Variants in PXDNL observed in about 807,000 individuals in gnomAD.
PXDNL encodes probable oxidoreductase PXDNL.
PXDNL carries 145 observed loss-of-function variants against 150.8 expected under a neutral mutation model. The observed-to-expected ratio is 0.96, with a 90% confidence interval of 0.84 to 1.10. The LOEUF (loss-of-function observed/expected upper bound fraction) is 1.10, where lower values mean the gene tolerates loss of function less well. Among genes scored for constraint, PXDNL ranks in the 50% least tolerant of loss-of-function variants. PXDNL has a pLI of 0.00. For synonymous variants in PXDNL, 757 were observed against 725.7 expected (o/e 1.04, Z -0.69); for missense variants, 2,087 against 1,873.9 (o/e 1.11, Z -2.10).
chr8:51,496,520 T>A (rs1554546663), intron 5 of PXDNL, among the ~76,000 whole-genome samples: 1 of 152,160 alleles, frequency 6.6e-6, no homozygotes, highest in Non-Finnish European at 1.5e-5. Context: ...TGATTGTATA[T>A]TTAGAAAACC....
chr8:51,532,556 AGTTTGTTT>A (rs112982321), intron 4 of PXDNL, among the ~76,000 whole-genome samples: 2,082 of 152,192 alleles, frequency 0.014, 29 homozygotes, highest in African/African-American at 0.029. Flanking sequence ...AGCATCTCTG[AGTTTGTTT>A]GTTTGTTTGT....
intron 9 of PXDNL, among the ~76,000 whole-genome samples, chr8:51,455,757 A>T (rs901870854): frequency 6.6e-6 from 1 of 152,082 alleles, no homozygotes; most frequent in Non-Finnish European, 1.5e-5. Flanking sequence ...TTTCAATCAG[A>T]AATTACTTGG....
At chr8:51,384,974 A>G (rs1807655840) in intron 17 of PXDNL, among the ~76,000 whole-genome samples, 1 of 152,184 alleles carries the variant, frequency 6.6e-6, no homozygotes, top group Non-Finnish European at 1.5e-5. Context: ...CAAAGAAGGC[A>G]GAGACATCAA....
intron 2 of PXDNL, among the ~76,000 whole-genome samples, chr8:51,646,177 C>T (rs1263582004): frequency 1.3e-5 from 2 of 152,134 alleles, no homozygotes; most frequent in Admixed American, 6.5e-5. Context: ...TGCCCTGATC[C>T]AGTGACACTG....
intron 3 of PXDNL, among the ~76,000 whole-genome samples, chr8:51,559,330 A>AC (rs59230172): frequency 0.011 from 1,099 of 97,390 alleles, 20 homozygotes; most frequent in East Asian, 0.046. Flanking sequence ...TTTCTTCCAA[A>AC]CCCCCCCCCC....
intron 10 of PXDNL, 78 bp from the exon 11 acceptor site, chr8:51,449,196 T>C: frequency 1.4e-6 from 1 of 739,542 alleles, no homozygotes; most frequent in Non-Finnish European, 2.3e-6. Context: ...AGAAAATGTC[T>C]TCAAATATGT....
intron 17 of PXDNL, among the ~76,000 whole-genome samples, chr8:51,397,019 T>C (rs895828431): frequency 6.6e-6 from 1 of 152,248 alleles, no homozygotes; most frequent in African/African-American, 2.4e-5. Context: ...AACTGTGGTC[T>C]TCACACGTCT....
At chr8:51,587,270 T>C (rs1468614017) in intron 3 of PXDNL, among the ~76,000 whole-genome samples, 1 of 152,180 alleles carries the variant, frequency 6.6e-6, no homozygotes, top group Non-Finnish European at 1.5e-5. Context: ...AAAGTTTAAG[T>C]GTCTGCTAAA....
intron 1 of PXDNL, chr8:51,722,297 G>C (rs533564966): frequency 6.6e-6 from 1 of 152,380 alleles, no homozygotes; most frequent in African/African-American, 2.4e-5. Flanking sequence ...CCCTATGGGA[G>C]GGGGAGCACA....
intron 1 of PXDNL, among the ~76,000 whole-genome samples, chr8:51,697,161 G>A (rs187114306): frequency 8.6e-4 from 130 of 152,030 alleles, no homozygotes; most frequent in Non-Finnish European, 1.4e-3. Context: ...AAACTTAGCC[G>A]AGCGTGGTGG....
intron 12 of PXDNL, among the ~76,000 whole-genome samples, chr8:51,436,756 G>C (rs1298676715): frequency 6.6e-6 from 1 of 152,144 alleles, no homozygotes; most frequent in Non-Finnish European, 1.5e-5. Context: ...CATGAAGTCT[G>C]AAAGGGCACA....
rs1466075702 is a variant in PXDNL, at chr8:51,765,649, TATTA to T, written c.164+43528_164+43531del. 7.9e-5 allele frequency among the ~76,000 whole-genome samples: 12 copies of T among 152,288 alleles called. No individual in the cohort carries two copies. The South Asian group carries it at 2.1e-3, about 26-fold the overall frequency. On this transcript the variant is annotated intron_variant, in intron 1 of 22. Coordinates refer to ENST00000356297, the MANE Select transcript of PXDNL (RefSeq NM_144651.5). ...CATTTGTATTACTAATTAACACAAC[TATTA>T]ATAAGGTGGAATTATATTAATTTGT...
chr8:51,331,082 G>A (rs1805670035), intron 21 of PXDNL, among the ~76,000 whole-genome samples: 1 of 152,142 alleles, frequency 6.6e-6, no homozygotes, highest in Non-Finnish European at 1.5e-5. Flanking sequence ...ATCCCGAGAG[G>A]ATCCACAGAC....
chr8:51,674,857 CA>C (rs1815576425), intron 1 of PXDNL, among the ~76,000 whole-genome samples: 2 of 152,210 alleles, frequency 1.3e-5, no homozygotes, highest in Admixed American at 1.3e-4. Context: ...GTTTCAGGTC[CA>C]GATTTGTCTC....
intron 21 of PXDNL, among the ~76,000 whole-genome samples, chr8:51,329,629 T>C (rs1455420286): frequency 6.6e-6 from 1 of 152,134 alleles, no homozygotes; most frequent in Admixed American, 6.5e-5. Context: ...TTCATGACCC[T>C]AGTAGAAAAA....
At chr8:51,367,479 C>T (rs1036065715) in intron 19 of PXDNL, among the ~76,000 whole-genome samples, 4 of 152,080 alleles carry the variant, frequency 2.6e-5, no homozygotes, top group South Asian at 4.1e-4. Flanking sequence ...TTTGTGGAAT[C>T]GTCATGTTTA....
At position 51,377,481 on chromosome 8, in the gene PXDNL, C is replaced by T. The variant is rs533583686; in HGVS notation, c.3558-2750G>A. On this transcript the variant is annotated intron_variant, in intron 17 of 22. Coordinates refer to ENST00000356297, the MANE Select transcript of PXDNL (RefSeq NM_144651.5). Reference sequence around the variant, plus strand: ...AACCCCTCTCTGAGCTAAACGAGGCCGGAGCCGGCTCCCTCAGCTTGCAGG... The same window carrying T: ...AACCCCTCTCTGAGCTAAACGAGGCTGGAGCCGGCTCCCTCAGCTTGCAGG... Among the ~76,000 whole-genome samples, 26 of 152,270 alleles carry T rather than the reference C, an allele frequency of 1.7e-4. No individual in the cohort carries two copies. In the South Asian group the frequency reaches 3.3e-3, roughly 19 times the overall value.
At chr8:51,474,865 T>A (rs1810435398) in intron 7 of PXDNL, 107 bp downstream of exon 7, 1 of 952,866 alleles carries the variant, frequency 1.0e-6, no homozygotes, top group Non-Finnish European at 1.5e-6. Context: ...TAAAAACACT[T>A]TCTGATAACA....
intron 20 of PXDNL, among the ~76,000 whole-genome samples, chr8:51,341,995 T>G (rs1805997274): frequency 6.6e-6 from 1 of 152,160 alleles, no homozygotes; most frequent in South Asian, 2.1e-4. Flanking sequence ...CAAAGAGATG[T>G]CTGCACTCCC....
Sources: gnomAD v4.1 joint callset for allele counts (sites outside exome capture counted in the v4.1 genomes callset) on GRCh38, gnomAD v4.1.1 for gene constraint, MANE v1.5 for transcripts, NCBI Gene and HGNC (gene_info 2026-07-23, HGNC 2026-07-21) for gene names.